The following EVI2B variants were observed in gnomAD, a reference collection of about 807,000 sequenced individuals.
EVI2B encodes the protein ecotropic viral integration site 2B.
EVI2B carries 4 observed loss-of-function variants against 6.6 expected under a neutral mutation model. The ratio of observed to expected loss-of-function variants is 0.61; its 90% confidence interval spans 0.30 to 1.39. EVI2B has a LOEUF of 1.39. Ranked by LOEUF, EVI2B falls within the 40% of genes most tolerant of loss-of-function variation. The probability of loss-of-function intolerance (pLI) is 0.08; values close to 1 mark genes in which losing one functional copy is unlikely to be tolerated. For missense variants in EVI2B, 484 were observed against 516.6 expected (o/e 0.94, Z 0.61); for synonymous variants, 181 against 186.8 (o/e 0.97, Z 0.25).
At chr17:31,306,909 G>A (rs908089216) in intron 1 of EVI2B, among the ~76,000 whole-genome samples, 2 of 152,046 alleles carry the variant, frequency 1.3e-5, no homozygotes, top group Admixed American at 6.6e-5. Context: ...CAGCACTTTG[G>A]GAAGCCAAGA....
Position 31,304,341 on chromosome 17 carries a change from A to AC in EVI2B, c.1268dup (p.Cys423TrpfsTer11). On this transcript the variant is annotated frameshift_variant, in exon 2 of 2. Coordinates refer to ENST00000330927, the MANE Select transcript of EVI2B (RefSeq NM_006495.4). LOFTEE classifies it high-confidence loss of function. Reference sequence around the variant, plus strand: ...AGTTGGGAGGAATAGAGAACTCCTGACACTGGATCTCAAGGTTGGAATCTT... The same window carrying AC: ...AGTTGGGAGGAATAGAGAACTCCTGACCACTGGATCTCAAGGTTGGAATCTT... 6.2e-7 allele frequency: 1 copy of AC among 1,614,152 alleles called. No homozygotes were observed. The highest frequency in any genetic ancestry group is 8.5e-7 in the Non-Finnish European group (1 of 1,180,008).
Position 31,305,266 on chromosome 17 carries a change from G to A in EVI2B, c.344C>T (p.Thr115Ile). 1 of 1,614,174 alleles carries A rather than the reference G, an allele frequency of 6.2e-7. No individual in the cohort carries two copies. Among genetic ancestry groups the A allele is most frequent in the Non-Finnish European group, 8.5e-7 (1 of 1,180,030 alleles). ...GGTGAACACGGCTTGCTGGGAGGAG[G>A]TGTTGGCTATTGGTGTTGGTTGTTT... ...NTKQPTPIAN[T>I]SSQQAVFTSA... The change falls in exon 2 of 2, where the codon ACC becomes ATC. Residue 115 changes from threonine (T) to isoleucine (I), a missense_variant. By Grantham distance (89) the Thr-to-Ile change is moderately conservative. Coordinates refer to ENST00000330927, the MANE Select transcript of EVI2B (RefSeq NM_006495.4).
At chr17:31,311,117 T>G (rs2068864068) in intron 1 of EVI2B, among the ~76,000 whole-genome samples, 1 of 151,960 alleles carries the variant, frequency 6.6e-6, no homozygotes, top group African/African-American at 2.4e-5. Flanking sequence ...CACGCCCAAC[T>G]AATTTTTGTA....
chr17:31,304,175 T>C lies in EVI2B; in HGVS notation c.*88A>G, dbSNP rs1364243025. ...TTCCTGAATAAAAATCAAAATTGAC[T>C]ATCAGTTGCCATTTTATATATGTTA... On this transcript the variant is annotated 3_prime_UTR_variant, in exon 2 of 2. Coordinates refer to ENST00000330927, the MANE Select transcript of EVI2B (RefSeq NM_006495.4). 11 of 1,293,762 alleles carry C rather than the reference T, an allele frequency of 8.5e-6. No individual in the cohort carries two copies. Among genetic ancestry groups the C allele is most frequent in the Non-Finnish European group, 8.5e-6 (8 of 940,528 alleles). 80.1% of individuals were successfully genotyped at this position (1,293,762 alleles called of 1,614,324 possible).
chr17:31,311,977 C>T (rs1348488364), intron 1 of EVI2B, among the ~76,000 whole-genome samples: 1 of 152,042 alleles, frequency 6.6e-6, no homozygotes, highest in East Asian at 1.9e-4. Flanking sequence ...AGTCCTGATT[C>T]TACGAAAACT....
At position 31,304,919 on chromosome 17, in the gene EVI2B, G is replaced by C; in HGVS notation, c.691C>G (p.Pro231Ala). Reference sequence around the variant, plus strand: ...GCCCAATTTTGATCATTTAAAACTGGTTTCCTTAAGCATTTCCAAAGTACA... The same window carrying C: ...GCCCAATTTTGATCATTTAAAACTGCTTTCCTTAAGCATTTCCAAAGTACA... Reference protein sequence around the residue: ...IIVLWKCLRKPVLNDQNWAGR... With the variant: ...IIVLWKCLRKAVLNDQNWAGR... The change falls in exon 2 of 2, where the codon CCA becomes GCA. Residue 231 changes from proline (P) to alanine (A), a missense_variant. Pro to Ala is a conservative substitution (Grantham distance 27). Transcript: ENST00000330927. The C allele has an allele frequency of 6.2e-7, 1 of 1,614,094 alleles. No individual in the cohort carries two copies. The highest frequency in any genetic ancestry group is 8.5e-7 in the Non-Finnish European group (1 of 1,180,024).
At position 31,305,146 on chromosome 17, in the gene EVI2B, A is replaced by T. The variant is rs1272805762; in HGVS notation, c.464T>A (p.Ile155Asn). Residue 155 changes from isoleucine (I) to asparagine (N), a missense_variant, in exon 2 of 2, where the codon ATC (isoleucine) becomes AAC (asparagine). Transcript: ENST00000330927. ...AACAGTTATTTGTTTTCTAGAAGGG[A>T]TCTGGACAGATGATGATTGTTGAGT... ...TFTQQSSSVQ[I>N]PSRKQITVHN... 1.2e-6 allele frequency: 2 copies of T among 1,614,154 alleles called. No individual in the cohort carries two copies. Among genetic ancestry groups the T allele is most frequent in the South Asian group, 1.1e-5 (1 of 91,080 alleles).
intron 1 of EVI2B, among the ~76,000 whole-genome samples, chr17:31,308,168 C>T (rs112373702): frequency 0.021 from 3,224 of 151,028 alleles, 127 homozygotes; most frequent in African/African-American, 0.074. Flanking sequence ...GAGACAGAGT[C>T]GTTCTGTCAC....
intron 1 of EVI2B, 85 bp from the exon 2 acceptor site, chr17:31,305,715 G>T: frequency 8.7e-7 from 1 of 1,151,756 alleles, no homozygotes; most frequent in Non-Finnish European, 1.2e-6. Flanking sequence ...TATGATTCCT[G>T]GCATAAAGTA....
In EVI2B at chr17:31,305,650, A is replaced by G. The variant is rs2068700054; in HGVS notation, c.-21-20T>C. The G allele has an allele frequency of 5.1e-6, 8 of 1,568,066 alleles. No homozygotes were observed. The highest frequency in any genetic ancestry group is 6.9e-6 in the Non-Finnish European group (8 of 1,158,938). On this transcript the variant is annotated intron_variant, in intron 1 of 1. Transcript: ENST00000330927. ...CGTTATCTATAGCGGGTTTATAATG[A>G]AAGAGAAAGACAGTTAGGCGTCATT...
intron 1 of EVI2B, among the ~76,000 whole-genome samples, chr17:31,311,882 G>A (rs1474529068): frequency 2.0e-5 from 3 of 152,198 alleles, no homozygotes; most frequent in Non-Finnish European, 2.9e-5. Context: ...GGAAGGAGAT[G>A]TGAGTTGGTG....
intron 1 of EVI2B, among the ~76,000 whole-genome samples, chr17:31,309,119 T>C (rs1438174093): frequency 1.3e-5 from 2 of 152,248 alleles, no homozygotes; most frequent in Non-Finnish European, 2.9e-5. Flanking sequence ...CCTGATGTTA[T>C]ACCACTCGAA....
intron 1 of EVI2B, among the ~76,000 whole-genome samples, chr17:31,308,197 G>T (rs1264576279): frequency 1.3e-5 from 2 of 151,862 alleles, no homozygotes; most frequent in Non-Finnish European, 2.9e-5. Context: ...GAGTGCAGTG[G>T]CATGATCTTG....
At position 31,305,514 on chromosome 17, in the gene EVI2B, T is replaced by C. The variant is rs2068694456; in HGVS notation, c.96A>G (p.Ser32=). 1 of 1,614,214 alleles carries C rather than the reference T, an allele frequency of 6.2e-7. No individual in the cohort carries two copies. The highest frequency in any genetic ancestry group is 8.5e-7 in the Non-Finnish European group (1 of 1,180,032). ...TTGATGATGTGAATAAGGTAGGCTG[T>C]GACTGCTTCTCTGTTGTAATTGTCT... ...KTETITTEKQ[S]QPTLFTSSMS... The change falls in exon 2 of 2, where the codon TCA becomes TCG. Residue 32 remains serine, a synonymous_variant. Coordinates refer to ENST00000330927, the MANE Select transcript of EVI2B (RefSeq NM_006495.4).
chr17:31,310,121 C>T (rs959279013), intron 1 of EVI2B, among the ~76,000 whole-genome samples: 1 of 152,078 alleles, frequency 6.6e-6, no homozygotes, highest in Non-Finnish European at 1.5e-5. Context: ...TTAGCATACA[C>T]ATTTTAAAAT....
rs777799482 is a variant in EVI2B at position 31,305,638 on chromosome 17, G to A, written c.-21-8C>T. 49 of 1,581,482 alleles carry A rather than the reference G, an allele frequency of 3.1e-5. No individual in the cohort carries two copies. Among genetic ancestry groups the A allele is most frequent in the East Asian group, 4.5e-5 (2 of 44,610 alleles). On this transcript the variant is annotated splice_region_variant and splice_polypyrimidine_tract_variant and intron_variant, in intron 1 of 1. Transcript: ENST00000330927. ...AGAATATTTCCTCGTTATCTATAGC[G>A]GGTTTATAATGAAAGAGAAAGACAG...
chr17:31,311,243 G>T (rs562902691), intron 1 of EVI2B, among the ~76,000 whole-genome samples: 6 of 152,120 alleles, frequency 3.9e-5, no homozygotes, highest in South Asian at 2.1e-4. Context: ...ATGAGCCACC[G>T]AGCCCGGCCA....
intron 1 of EVI2B, among the ~76,000 whole-genome samples, chr17:31,306,361 T>C (rs2068720433): frequency 6.6e-6 from 1 of 152,196 alleles, no homozygotes; most frequent in Non-Finnish European, 1.5e-5. Flanking sequence ...ATTCTATTTG[T>C]GTGACTTCTT....
chr17:31,311,328 A>G (rs2151517207), intron 1 of EVI2B, among the ~76,000 whole-genome samples: 1 of 152,288 alleles, frequency 6.6e-6, no homozygotes, highest in African/African-American at 2.4e-5. Context: ...GTTAAGTTGG[A>G]TATGTTAGGA....
Sources: allele counts gnomAD v4.1 joint callset (sites outside exome capture counted in the v4.1 genomes callset), GRCh38; gene constraint gnomAD v4.1.1; transcripts MANE v1.5; gene names NCBI Gene and HGNC (gene_info 2026-07-23, HGNC 2026-07-21).